Variants in SLC9A8 observed in about 807,000 individuals in gnomAD.
SLC9A8 encodes the protein sodium/hydrogen exchanger 8.
SLC9A8 carries 48 observed loss-of-function variants against 66.6 expected under a neutral mutation model. The observed-to-expected ratio is 0.72, with a 90% CI of 0.57 to 0.92. The LOEUF (loss-of-function observed/expected upper bound fraction) is 0.92. Ranked by LOEUF, SLC9A8 falls within the 40% of genes least tolerant of loss-of-function variation. SLC9A8 has a pLI of 0.00. For synonymous variants in SLC9A8, 274 were observed against 282.6 expected, an observed-to-expected ratio of 0.97 and a Z score of 0.31; for missense variants, 599 against 747.3, an observed-to-expected ratio of 0.80 and a Z score of 2.31.
rs150490294 is a variant in SLC9A8, at chr20:49,850,874, G to A, written c.569+30G>A. On this transcript the variant is annotated intron_variant, in intron 7 of 15. Transcript: ENST00000361573. Reference sequence around the variant, plus strand: ...ATCCTTCATACTGTAACACCCATGCGACTGCTTTTCAGACAGGGGAAATGT... The same window carrying A: ...ATCCTTCATACTGTAACACCCATGCAACTGCTTTTCAGACAGGGGAAATGT... The A allele has an allele frequency of 9.6e-5, 147 of 1,539,222 alleles. No homozygotes were observed. The African/African-American group carries it at 1.5e-3, about 15-fold the overall frequency.
rs142053319 is a variant in SLC9A8 at position 49,874,121 on chromosome 20, C to T, written c.959-584C>T. 4.4e-3 allele frequency among the ~76,000 whole-genome samples: 663 copies of T among 152,010 alleles called. 3 individuals carry two copies. The highest frequency in any genetic ancestry group is 0.015 in the African/African-American group (620 of 41,448). ...AAAAAATTAGCCAGGCATGGTGATG[C>T]GTGCCTGTAGTAGTCCCAGCTACTC... On this transcript the variant is annotated intron_variant, in intron 10 of 15. Coordinates refer to ENST00000361573, the MANE Select transcript of SLC9A8 (RefSeq NM_015266.3).
intron 3 of SLC9A8, chr20:49,829,758 G>A: frequency 1.9e-6 from 1 of 527,048 alleles, no homozygotes; most frequent in Admixed American, 2.2e-5. Flanking sequence ...CTGATGACAA[G>A]AATCGGCTTA....
intron 3 of SLC9A8, among the ~76,000 whole-genome samples, chr20:49,835,679 CTTTTTTTTTTT>C (rs34461954): frequency 3.1e-4 from 22 of 71,960 alleles, no homozygotes; most frequent in Non-Finnish European, 4.4e-4. Context: ...ACACAATTCA[CTTTTTTTTTTT>C]TTTTTTTTTT....
At chr20:49,814,817 C>A (rs1288747237) in intron 1 of SLC9A8, among the ~76,000 whole-genome samples, 191 bp from the exon 2 acceptor site, 1 of 152,066 alleles carries the variant, frequency 6.6e-6, no homozygotes, top group Non-Finnish European at 1.5e-5. Context: ...TTCAAAAGCA[C>A]CAGAGGCCAC....
intron 14 of SLC9A8, chr20:49,884,289 G>GACACACACCAC (rs1555848424): frequency 1.1e-4 from 4 of 36,862 alleles, no homozygotes; most frequent in African/African-American, 9.0e-4. Context: ...ACACACACAC[G>GACACACACCAC]ACACACACAC....
At chr20:49,862,872 C>G (rs1350770316) in intron 8 of SLC9A8, 57 bp from the exon 9 acceptor site, 14 of 1,366,554 alleles carry the variant, frequency 1.0e-5, no homozygotes, top group Non-Finnish European at 1.4e-5. Flanking sequence ...AAGTTAATTT[C>G]TAAGAACTTT....
At chr20:49,834,452 GTATA>G (rs1194189186) in intron 3 of SLC9A8, among the ~76,000 whole-genome samples, 4 of 68,546 alleles carry the variant, frequency 5.8e-5, no homozygotes, top group Non-Finnish European at 1.3e-4. Context: ...TATATATACT[GTATA>G]TATATATACT....
intron 12 of SLC9A8, among the ~76,000 whole-genome samples, chr20:49,878,850 T>G (rs1051197424): frequency 6.6e-6 from 1 of 152,128 alleles, no homozygotes; most frequent in Non-Finnish European, 1.5e-5. Context: ...AAACCCCATC[T>G]CTACTAAAAA....
intron 4 of SLC9A8, among the ~76,000 whole-genome samples, chr20:49,843,955 C>T (rs73125639): frequency 0.078 from 11,818 of 152,016 alleles, 493 homozygotes; most frequent in African/African-American, 0.097. Context: ...CCATCCCCGC[C>T]CCCCCTTTCT....
At chr20:49,871,810 G>C (rs1316108342) in intron 10 of SLC9A8, among the ~76,000 whole-genome samples, 1 of 152,208 alleles carries the variant, frequency 6.6e-6, no homozygotes, top group Non-Finnish European at 1.5e-5. Flanking sequence ...CTGTGGTCCA[G>C]TCTCAGCCCC....
At position 49,812,897 on chromosome 20, in the gene SLC9A8, C is replaced by T. The variant is rs758998861; in HGVS notation, c.-26C>T. 55 of 1,497,082 alleles carry T rather than the reference C, an allele frequency of 3.7e-5. No individual in the cohort carries two copies. In the Middle Eastern group the frequency reaches 7.0e-4, roughly 19 times the overall value. 92.7% of individuals were successfully genotyped at this position (1,497,082 alleles called of 1,614,324 possible). A position where few individuals can be genotyped will look rare whatever the true frequency, so the allele number is the denominator to read the frequency against. On this transcript the variant is annotated 5_prime_UTR_variant, in exon 1 of 16. Coordinates refer to ENST00000361573, the MANE Select transcript of SLC9A8 (RefSeq NM_015266.3). ...GTCCTGCTAGCCCCGCGGCTCCGAA[C>T]TCGGTGGTCCTGGAAGCTCCGCAGG...
chr20:49,828,983 G>A (rs1293475053), intron 3 of SLC9A8: 2 of 148,046 alleles, frequency 1.4e-5, no homozygotes, highest in African/African-American at 5.1e-5. Context: ...ATAGGTGTGT[G>A]TGTATGTGTG....
chr20:49,875,516 C>T (rs1301027928), intron 11 of SLC9A8, among the ~76,000 whole-genome samples: 1 of 152,156 alleles, frequency 6.6e-6, no homozygotes, highest in African/African-American at 2.4e-5. Flanking sequence ...GTAGAGGTGT[C>T]ATTTGTTGGG....
chr20:49,861,388 A>G (rs1310433299), intron 8 of SLC9A8, among the ~76,000 whole-genome samples: 1 of 152,170 alleles, frequency 6.6e-6, no homozygotes, highest in African/African-American at 2.4e-5. Context: ...TACAGAAAAT[A>G]CAAAAACTAA....
intron 7 of SLC9A8, among the ~76,000 whole-genome samples, chr20:49,853,206 T>C (rs894855761): frequency 6.6e-6 from 1 of 152,228 alleles, no homozygotes; most frequent in Admixed American, 6.5e-5. Flanking sequence ...TATAGTGGCA[T>C]GATCACAGCT....
intron 4 of SLC9A8, among the ~76,000 whole-genome samples, chr20:49,842,368 A>G (rs1054293213): frequency 3.3e-5 from 5 of 152,150 alleles, no homozygotes; most frequent in Non-Finnish European, 7.3e-5. Flanking sequence ...ACGCCTGGCC[A>G]TGTTTATTTT....
chr20:49,852,504 G>T (rs1237655946), intron 7 of SLC9A8, among the ~76,000 whole-genome samples: 1 of 152,148 alleles, frequency 6.6e-6, no homozygotes, highest in African/African-American at 2.4e-5. Context: ...GTGATATCTT[G>T]TTGGAGAGAG....
Position 49,886,799 on chromosome 20 carries a change from G to A in SLC9A8, c.1539G>A (p.Glu513=), listed in dbSNP as rs1211423619. 8.7e-6 allele frequency: 14 copies of A among 1,614,070 alleles called. No homozygotes were observed. The highest frequency in any genetic ancestry group is 3.3e-5 in the Admixed American group (2 of 60,008). Residue 513 remains glutamate, a synonymous_variant, in exon 15 of 16, where the codon GAG becomes GAA. Coordinates refer to ENST00000361573, the MANE Select transcript of SLC9A8 (RefSeq NM_015266.3). The surrounding 1 kb of genome is among the most constrained non-coding windows in gnomAD (Gnocchi z 4.8). ...SEHLSELTEE[E]YEAHYIRRQD... Reference sequence around the variant, plus strand: ...ACCTGTCGGAGCTCACGGAGGAGGAGTACGAGGCCCACTACATCAGGCGGC... The same window carrying A: ...ACCTGTCGGAGCTCACGGAGGAGGAATACGAGGCCCACTACATCAGGCGGC...
At chr20:49,887,561 G>A (rs776791432) in intron 15 of SLC9A8, among the ~76,000 whole-genome samples, 1 of 152,158 alleles carries the variant, frequency 6.6e-6, no homozygotes, top group Non-Finnish European at 1.5e-5. Context: ...ACTGGGAGCA[G>A]AGCTAACTGT....
Sources: gnomAD v4.1 joint callset for allele counts (sites outside exome capture counted in the v4.1 genomes callset) on GRCh38, gnomAD v4.1.1 for gene constraint, Gnocchi (gnomAD v3.1) non-coding constraint, MANE v1.5 for transcripts, NCBI Gene and HGNC (gene_info 2026-07-23, HGNC 2026-07-21) for gene names.